BCL11B: variants seen among roughly 807,000 people sequenced by gnomAD.
BCL11B encodes the protein BCL11 transcription factor B.
A neutral mutation model predicts 49.9 loss-of-function variants in BCL11B; 8 were observed. The observed-to-expected ratio is 0.16, with a 90% CI of 0.09 to 0.29. The LOEUF is 0.29. BCL11B is among the 10% of genes least tolerant of loss of function. The probability of loss-of-function intolerance (pLI) is 1.00; values close to 1 mark genes in which losing one functional copy is unlikely to be tolerated. For synonymous variants in BCL11B, 739 were observed against 637.4 expected, an observed-to-expected ratio of 1.16 and a Z score of -2.40; for missense variants, 1,006 against 1,351.0, an observed-to-expected ratio of 0.74 and a Z score of 4.00.
chr14:99,243,273 T>C (rs1262153267), intron 2 of BCL11B, among the ~76,000 whole-genome samples: 3 of 151,992 alleles, frequency 2.0e-5, no homozygotes, highest in Non-Finnish European at 2.9e-5. Context: ...GGTTACTAAA[T>C]TGAAAAACCA....
intron 3 of BCL11B, among the ~76,000 whole-genome samples, chr14:99,185,158 C>T (rs937106297): frequency 5.3e-5 from 8 of 152,076 alleles, no homozygotes; most frequent in East Asian, 1.9e-4. Context: ...ATGATGAGGA[C>T]GGGCGCGGTG....
chr14:99,235,698 T>G (rs1595272074), intron 2 of BCL11B, among the ~76,000 whole-genome samples: 1 of 147,334 alleles, frequency 6.8e-6, no homozygotes, highest in Non-Finnish European at 1.5e-5. Flanking sequence ...CTTTTTTTGG[T>G]GGGGGAAGGA....
intron 3 of BCL11B, among the ~76,000 whole-genome samples, chr14:99,222,873 CCTTTCTTTCCTTT>C (rs1264422199): frequency 2.0e-5 from 3 of 150,784 alleles, no homozygotes; most frequent in Non-Finnish European, 2.9e-5. Flanking sequence ...TTCTTTCCTT[CCTTTCTTTCCTTT>C]CTTTCTTTCT....
At position 99,271,298 on chromosome 14, in the gene BCL11B, G is replaced by GGGCCGCTGC; in HGVS notation, c.-81_-80insGCAGCGGCC. 2.3e-6 allele frequency: 2 copies of GGGCCGCTGC among 885,084 alleles called. No homozygotes were observed. Among genetic ancestry groups the GGGCCGCTGC allele is most frequent in the Non-Finnish European group, 1.5e-6 (1 of 675,886 alleles). 54.8% of individuals were successfully genotyped at this position (885,084 alleles called of 1,614,324 possible). A position where few individuals can be genotyped will look rare whatever the true frequency, so the allele number is the denominator to read the frequency against. ...GGGGGAGGGGGTCCGAGCCGCCGCC[G>GGGCCGCTGC]CGCCGCTGCCGCCGCTGCCGCCGCC... On this transcript the variant is annotated 5_prime_UTR_variant, in exon 1 of 4. Coordinates refer to ENST00000357195, the MANE Select transcript of BCL11B (RefSeq NM_138576.4).
intron 3 of BCL11B, among the ~76,000 whole-genome samples, chr14:99,223,850 T>C (rs1286003080): frequency 6.6e-6 from 1 of 152,200 alleles, no homozygotes; most frequent in Non-Finnish European, 1.5e-5. Context: ...CACCTCTCCA[T>C]CCTGAGATCT....
intron 2 of BCL11B, among the ~76,000 whole-genome samples, chr14:99,244,830 C>T (rs1223962038): frequency 6.6e-6 from 1 of 152,188 alleles, no homozygotes; most frequent in Non-Finnish European, 1.5e-5. Flanking sequence ...ACAATACTCG[C>T]CTTGAGAGCC....
At chr14:99,219,771 T>C (rs1887955557) in intron 3 of BCL11B, among the ~76,000 whole-genome samples, 1 of 151,252 alleles carries the variant, frequency 6.6e-6, no homozygotes, top group Non-Finnish European at 1.5e-5. Flanking sequence ...GGTAGCTAAA[T>C]GTTTAGCTTT....
chr14:99,171,545 A>T lies in BCL11B; in HGVS notation c.*2606T>A, dbSNP rs1886290027. Reference sequence around the variant, plus strand: ...TACAGCAAGTGCCTACATCATATGAACCAACCAATATATCCATTCCAGAGG... The same window carrying T: ...TACAGCAAGTGCCTACATCATATGATCCAACCAATATATCCATTCCAGAGG... On this transcript the variant is annotated 3_prime_UTR_variant, in exon 4 of 4. Coordinates refer to ENST00000357195, the MANE Select transcript of BCL11B (RefSeq NM_138576.4). 4.7e-6 allele frequency: 1 copy of T among 213,236 alleles called. No homozygotes were observed. Among genetic ancestry groups the T allele is most frequent in the African/African-American group, 2.3e-5 (1 of 44,290 alleles). The allele number at this position is 213,236 out of a possible 1,614,324, so 13.2% of individuals were successfully genotyped here. A position where few individuals can be genotyped will look rare whatever the true frequency, so the allele number is the denominator to read the frequency against.
At chr14:99,246,229 G>A (rs1186176349) in intron 2 of BCL11B, among the ~76,000 whole-genome samples, 1 of 152,204 alleles carries the variant, frequency 6.6e-6, no homozygotes, top group African/African-American at 2.4e-5. Context: ...GAGGCCAGAC[G>A]CGGGCTGGGT....
At chr14:99,196,781 C>T (rs1177058356) in intron 3 of BCL11B, among the ~76,000 whole-genome samples, 1 of 152,194 alleles carries the variant, frequency 6.6e-6, no homozygotes, top group Non-Finnish European at 1.5e-5. Flanking sequence ...TGCAAACCCA[C>T]CCGCTCAAAA....
At chr14:99,191,078 AG>A (rs2139796892) in intron 3 of BCL11B, among the ~76,000 whole-genome samples, 1 of 152,310 alleles carries the variant, frequency 6.6e-6, no homozygotes, top group African/African-American at 2.4e-5. Flanking sequence ...ATATTCCCCC[AG>A]GCCTTTTCCA....
chr14:99,215,067 G>A (rs1280873917), intron 3 of BCL11B, among the ~76,000 whole-genome samples: 1 of 152,104 alleles, frequency 6.6e-6, no homozygotes, highest in Non-Finnish European at 1.5e-5. Context: ...TCCACGGGCT[G>A]CCTCCATGCC....
chr14:99,206,468 T>C (rs552417301), intron 3 of BCL11B, among the ~76,000 whole-genome samples: 2 of 152,302 alleles, frequency 1.3e-5, no homozygotes, highest in Middle Eastern at 3.4e-3. Context: ...CTCCAAGTAG[T>C]GTGATGAGAT....
rs533726580 is a variant in BCL11B at position 99,213,841 on chromosome 14, G to A, written c.640+17504C>T. Among the ~76,000 whole-genome samples the A allele has an allele frequency of 7.2e-5, 11 of 152,294 alleles. No homozygotes were observed. The highest frequency in any genetic ancestry group is 2.0e-4 in the Admixed American group (3 of 15,308). On this transcript the variant is annotated intron_variant, in intron 3 of 3. Transcript: ENST00000357195. This position sits in a 1 kb window ranked among gnomAD's most constrained non-coding sequence, Gnocchi z 5.1. ...GGCCCCCCGAGGGGCTGCCCCGTGC[G>A]CCCAGGCACAAGGGTACTGCTGGGG...
rs1291545975 is a variant in BCL11B at position 99,174,130 on chromosome 14, G to A, written c.*21C>T. The A allele has an allele frequency of 5.6e-6, 9 of 1,604,122 alleles. No individual in the cohort carries two copies. The highest frequency in any genetic ancestry group is 3.3e-5 in the Admixed American group (2 of 59,934). On this transcript the variant is annotated 3_prime_UTR_variant, in exon 4 of 4. Transcript: ENST00000357195. ...GGCAACGGTTCCACTGTACAGGTGC[G>A]GGGCGCCGGGGCCCGCGCGCTTAGC...
chr14:99,253,447 G>A (rs1340351373), intron 2 of BCL11B, among the ~76,000 whole-genome samples: 2 of 152,204 alleles, frequency 1.3e-5, no homozygotes, highest in Non-Finnish European at 2.9e-5. Context: ...AAAATGCGGC[G>A]GAGGAGGGAA....
intron 3 of BCL11B, among the ~76,000 whole-genome samples, chr14:99,202,449 G>A (rs1441832590): frequency 1.3e-5 from 2 of 152,244 alleles, no homozygotes; most frequent in East Asian, 1.9e-4. Context: ...CCTTCCATCA[G>A]AGAAGGTGCT....
rs1886365467 is a variant in BCL11B at position 99,173,623 on chromosome 14, G to C, written c.*528C>G. ...CTTTTTATTTCAGGACAAAAAAAAGGAAGGAATGAAAAAGTAAACAACTTT... is the reference window on the plus strand; with the variant it reads ...CTTTTTATTTCAGGACAAAAAAAAGCAAGGAATGAAAAAGTAAACAACTTT... On this transcript the variant is annotated 3_prime_UTR_variant, in exon 4 of 4. Coordinates refer to ENST00000357195, the MANE Select transcript of BCL11B (RefSeq NM_138576.4). 4.7e-6 allele frequency: 1 copy of C among 212,870 alleles called. No individual in the cohort carries two copies. The highest frequency in any genetic ancestry group is 9.3e-6 in the Non-Finnish European group (1 of 107,276). The allele number at this position is 212,870 out of a possible 1,614,324, so 13.2% of individuals were successfully genotyped here. A position where few individuals can be genotyped will look rare whatever the true frequency, so the allele number is the denominator to read the frequency against.
At position 99,173,762 on chromosome 14, in the gene BCL11B, C is replaced by A; in HGVS notation, c.*389G>T. 3.9e-6 allele frequency: 1 copy of A among 258,960 alleles called. No individual in the cohort carries two copies. Among genetic ancestry groups the A allele is most frequent in the African/African-American group, 2.2e-5 (1 of 45,642 alleles). 16.0% of individuals were successfully genotyped at this position (258,960 alleles called of 1,614,324 possible). ...TTATAATTTAAAAGATATGCTTCCCCTCTAACATTGCTTGCGAGTCATTGC... is the reference window on the plus strand; with the variant it reads ...TTATAATTTAAAAGATATGCTTCCCATCTAACATTGCTTGCGAGTCATTGC... On this transcript the variant is annotated 3_prime_UTR_variant, in exon 4 of 4. Transcript: ENST00000357195.
Sources: gnomAD v4.1 joint callset for allele counts (sites outside exome capture counted in the v4.1 genomes callset) on GRCh38, gnomAD v4.1.1 for gene constraint, Gnocchi (gnomAD v3.1) non-coding constraint, MANE v1.5 for transcripts, NCBI Gene and HGNC (gene_info 2026-07-23, HGNC 2026-07-21) for gene names.